The following KHDRBS2 variants were observed in gnomAD, a reference collection of about 807,000 sequenced individuals.
The protein encoded by KHDRBS2 is KH domain-containing, RNA-binding, signal transduction-associated protein 2.
A neutral mutation model predicts 44.3 loss-of-function variants in KHDRBS2; 26 were observed. The ratio of observed to expected loss-of-function variants is 0.59; its 90% CI spans 0.43 to 0.81. KHDRBS2 has a LOEUF of 0.81. Ranked by LOEUF, KHDRBS2 falls within the 40% of genes least tolerant of loss-of-function variation. The probability of loss-of-function intolerance (pLI) is 0.00; values close to 1 mark genes in which losing one functional copy is unlikely to be tolerated. For synonymous variants in KHDRBS2, 194 were observed against 151.1 expected, an observed-to-expected ratio of 1.28 and a Z score of -2.08; for missense variants, 476 against 433.1, an observed-to-expected ratio of 1.10 and a Z score of -0.88.
At chr6:61,956,844 C>G (rs575746307) in intron 4 of KHDRBS2, among the ~76,000 whole-genome samples, 67 of 151,812 alleles carry the variant, frequency 4.4e-4, no homozygotes, top group Non-Finnish European at 8.2e-4. Flanking sequence ...TTTTTAAGGT[C>G]TGAGTTAAGT....
chr6:62,067,978 G>A (rs1472808984), intron 2 of KHDRBS2, among the ~76,000 whole-genome samples: 4 of 151,514 alleles, frequency 2.6e-5, no homozygotes. Flanking sequence ...CCACATTGTG[G>A]CTATTATAAT....
the KHDRBS2 span, among the ~76,000 whole-genome samples, chr6:61,610,492 A>G: frequency 6.6e-6 from 1 of 152,120 alleles, no homozygotes; most frequent in African/African-American, 2.4e-5. Flanking sequence ...TGGCTTTGCA[A>G]CTAAGACAAT....
intron 2 of KHDRBS2, among the ~76,000 whole-genome samples, chr6:62,052,965 C>T (rs1183044499): frequency 6.6e-6 from 1 of 151,902 alleles, no homozygotes; most frequent in African/African-American, 2.4e-5. Context: ...ATTTGGATTT[C>T]ATCCTAAGTA....
chr6:62,147,193 T>C (rs780438986), intron 2 of KHDRBS2, among the ~76,000 whole-genome samples: 2 of 151,954 alleles, frequency 1.3e-5, no homozygotes, highest in East Asian at 1.9e-4. Context: ...AAGTTTGCAC[T>C]GTGTTGCCTC....
chr6:61,956,447 T>A (rs1767340209), intron 4 of KHDRBS2, among the ~76,000 whole-genome samples: 1 of 152,200 alleles, frequency 6.6e-6, no homozygotes, highest in African/African-American at 2.4e-5. Flanking sequence ...ACAGTTGTAG[T>A]GCTTCATTAG....
intron 4 of KHDRBS2, among the ~76,000 whole-genome samples, chr6:61,967,049 A>G (rs1770126651): frequency 6.6e-6 from 1 of 151,414 alleles, no homozygotes; most frequent in Non-Finnish European, 1.5e-5. Context: ...AACTGAGATA[A>G]ATTTAAAAAA....
chr6:61,693,870 A>T (rs543199185), intron 8 of KHDRBS2, among the ~76,000 whole-genome samples: 1 of 152,242 alleles, frequency 6.6e-6, no homozygotes, highest in South Asian at 2.1e-4. Flanking sequence ...CCAGACCATA[A>T]CCCTTGCATC....
intron 6 of KHDRBS2, 56 bp downstream of exon 6, chr6:61,894,579 C>G: frequency 7.1e-7 from 1 of 1,398,712 alleles, no homozygotes; most frequent in Non-Finnish European, 1.0e-6. Context: ...TGAGACGTAG[C>G]TTGTTAACTA....
intron 2 of KHDRBS2, among the ~76,000 whole-genome samples, chr6:62,157,392 T>C (rs1816692028): frequency 6.6e-6 from 1 of 152,174 alleles, no homozygotes; most frequent in South Asian, 2.1e-4. Context: ...GGTTCAATAT[T>C]TGTTTCATAG....
chr6:61,945,113 G>GTATATATATATATATA (rs61105265), intron 4 of KHDRBS2, among the ~76,000 whole-genome samples: 2 of 14,990 alleles, frequency 1.3e-4, no homozygotes, highest in African/African-American at 2.5e-4. Context: ...AAAAAAAAAA[G>GTATATATATATATATA]TATATATATA....
chr6:62,115,195 A>G (rs945517543), intron 2 of KHDRBS2, among the ~76,000 whole-genome samples: 2 of 152,270 alleles, frequency 1.3e-5, no homozygotes, highest in African/African-American at 4.8e-5. Flanking sequence ...TTTTACCCCA[A>G]AAGAGAACTG....
At chr6:62,101,732 A>G (rs1333536915) in intron 2 of KHDRBS2, among the ~76,000 whole-genome samples, 1 of 152,254 alleles carries the variant, frequency 6.6e-6, no homozygotes, top group Non-Finnish European at 1.5e-5. Context: ...ATAGATGATC[A>G]GTAATTCAGT....
At chr6:62,273,752 T>G (rs1840464148) in intron 1 of KHDRBS2, among the ~76,000 whole-genome samples, 1 of 152,116 alleles carries the variant, frequency 6.6e-6, no homozygotes, top group African/African-American at 2.4e-5. Flanking sequence ...CATTTTTACT[T>G]GAACACTTCA....
chr6:62,179,991 C>T (rs893508248), intron 1 of KHDRBS2, among the ~76,000 whole-genome samples: 1 of 151,746 alleles, frequency 6.6e-6, no homozygotes, highest in Non-Finnish European at 1.5e-5. Flanking sequence ...CCAAACTTGC[C>T]TGAGTTTAAA....
chr6:62,001,756 C>T (rs192680543), intron 3 of KHDRBS2, among the ~76,000 whole-genome samples: 13 of 152,172 alleles, frequency 8.5e-5, no homozygotes, highest in African/African-American at 2.6e-4. Context: ...ATTAATGATA[C>T]ATACAGAAGT....
the KHDRBS2 span, among the ~76,000 whole-genome samples, chr6:61,553,920 T>C: frequency 6.6e-6 from 1 of 152,184 alleles, no homozygotes; most frequent in African/African-American, 2.4e-5. Flanking sequence ...TTATTTCCAA[T>C]TGTCTGGTCA....
At chr6:62,070,487 C>G (rs1028853959) in intron 2 of KHDRBS2, among the ~76,000 whole-genome samples, 1 of 151,978 alleles carries the variant, frequency 6.6e-6, no homozygotes. Context: ...TATCCCTCCC[C>G]CCTCCTCCCA....
chr6:61,627,078 C>A, the KHDRBS2 span, among the ~76,000 whole-genome samples: 1 of 151,196 alleles, frequency 6.6e-6, no homozygotes, highest in African/African-American at 2.4e-5. Flanking sequence ...ACGGTGAAAC[C>A]CCGTCTCTAC....
chr6:62,002,125 C>T (rs1757300637), intron 3 of KHDRBS2, among the ~76,000 whole-genome samples: 2 of 151,734 alleles, frequency 1.3e-5, no homozygotes, highest in East Asian at 1.9e-4. Flanking sequence ...CATTTGAAAC[C>T]ATTCAATTTT....
Sources: gnomAD v4.1 joint callset for allele counts (sites outside exome capture counted in the v4.1 genomes callset) on GRCh38, gnomAD v4.1.1 for gene constraint, MANE v1.5 for transcripts, NCBI Gene and HGNC (gene_info 2026-07-23, HGNC 2026-07-21) for gene names.